Variants in MMP14 observed in about 807,000 individuals in gnomAD.
MMP14 encodes the protein matrix metalloproteinase-14.
Under a neutral mutation model 64.8 loss-of-function variants are expected in MMP14, and 13 were observed. That is an observed-to-expected ratio of 0.20 (90% CI 0.13 to 0.32). MMP14 has a LOEUF of 0.32. Ranked by LOEUF, MMP14 falls within the 10% of genes least tolerant of loss-of-function variation. The pLI is 1.00. For missense variants in MMP14, 594 were observed against 783.8 expected (o/e 0.76, Z 2.89); for synonymous variants, 322 against 315.9 (o/e 1.02, Z -0.20).
intron 1 of MMP14, among the ~76,000 whole-genome samples, chr14:22,837,640 G>A (rs902549996): frequency 1.3e-5 from 2 of 152,256 alleles, no homozygotes; most frequent in African/African-American, 4.8e-5. Flanking sequence ...ACCCGCGTCG[G>A]CGCCTTCAGG....
chr14:22,839,547 G>A (rs1210140250), intron 1 of MMP14, among the ~76,000 whole-genome samples: 1 of 152,200 alleles, frequency 6.6e-6, no homozygotes, highest in East Asian at 1.9e-4. Context: ...CTGTTGGCTG[G>A]GAAAAGGCTG....
At position 22,843,657 on chromosome 14, in the gene MMP14, T is replaced by G; in HGVS notation, c.851-53T>G. 1.9e-6 allele frequency: 3 copies of G among 1,550,466 alleles called. No homozygotes were observed. The highest frequency in any genetic ancestry group is 2.6e-6 in the Non-Finnish European group (3 of 1,148,190). ...TATTGTCTGCCCATCTGTCTGTCCT[T>G]CCGTCCCCGCCTCCTCCTAAGTCTG... is the stretch of plus-strand genomic sequence containing the variant. On this transcript the variant is annotated intron_variant, in intron 5 of 9. Coordinates refer to ENST00000311852, the MANE Select transcript of MMP14 (RefSeq NM_004995.4). The surrounding 1 kb of genome is among the most constrained non-coding windows in gnomAD (Gnocchi z 4.8).
In MMP14 at chr14:22,844,796, C is replaced by T; in HGVS notation, c.1301+16C>T. The T allele has an allele frequency of 1.9e-6, 3 of 1,613,896 alleles. No individual in the cohort carries two copies. Among genetic ancestry groups the T allele is most frequent in the East Asian group, 2.2e-5 (1 of 44,878 alleles). Reference sequence around the variant, plus strand: ...GTGGAAACAAGTAAGACCTCAACCCCTTAACCCCAGGCCTCCCTCAGAAAC... The same window carrying T: ...GTGGAAACAAGTAAGACCTCAACCCTTTAACCCCAGGCCTCCCTCAGAAAC... On this transcript the variant is annotated intron_variant, in intron 8 of 9. Coordinates refer to ENST00000311852, the MANE Select transcript of MMP14 (RefSeq NM_004995.4).
chr14:22,845,836 G>C lies in MMP14; in HGVS notation c.1546G>C (p.Glu516Gln), dbSNP rs2039808826. 1.2e-6 allele frequency: 2 copies of C among 1,614,082 alleles called. No individual in the cohort carries two copies. The highest frequency in any genetic ancestry group is 1.3e-5 in the African/African-American group (1 of 74,942). The change falls in exon 10 of 10, where the codon GAG becomes CAG. Residue 516 changes from glutamate (E) to glutamine (Q), a missense_variant. Physicochemically the swap from Glu to Gln is conservative, Grantham distance 29. Around this residue, in one of 4 missense-constraint regions of MMP14, gnomAD observed 364 missense variants for 425.2 expected, o/e 0.86. Coordinates refer to ENST00000311852, the MANE Select transcript of MMP14 (RefSeq NM_004995.4). ...MGCPSGGRPD[E>Q]GTEEETEVII... ...CTGCCCATCGGGAGGCCGGCCGGAT[G>C]AGGGGACTGAGGAGGAGACGGAGGT... is the stretch of plus-strand genomic sequence containing the variant.
At chr14:22,839,032 A>T (rs2039754590) in intron 1 of MMP14, among the ~76,000 whole-genome samples, 1 of 152,190 alleles carries the variant, frequency 6.6e-6, no homozygotes, top group African/African-American at 2.4e-5. Flanking sequence ...GATTTCCCCC[A>T]GAGCTCCTGG....
Position 22,844,640 on chromosome 14 carries a change from T to C in MMP14, c.1161T>C (p.His387=), listed in dbSNP as rs1420232418. Reference sequence around the variant, plus strand: ...TCCTGTCCTCCCCAGGAGACAAGCATTGGGTGTTTGATGAGGCGTCCCTGG... The same window carrying C: ...TCCTGTCCTCCCCAGGAGACAAGCACTGGGTGTTTGATGAGGCGTCCCTGG... ...GKFVFFKGDK[H]WVFDEASLEP... Residue 387 remains histidine, a synonymous_variant, in exon 8 of 10, where the codon CAT becomes CAC. Transcript: ENST00000311852. 1 of 1,613,972 alleles carries C rather than the reference T, an allele frequency of 6.2e-7. No individual in the cohort carries two copies. The highest frequency in any genetic ancestry group is 8.5e-7 in the Non-Finnish European group (1 of 1,180,004).
chr14:22,844,625 C>T lies in MMP14; in HGVS notation c.1151-5C>T. ...ACCCAGACGTTGCCCTCCTGTCCTCCCCAGGAGACAAGCATTGGGTGTTTG... is the reference window on the plus strand; with the variant it reads ...ACCCAGACGTTGCCCTCCTGTCCTCTCCAGGAGACAAGCATTGGGTGTTTG... On this transcript the variant is annotated splice_region_variant and splice_polypyrimidine_tract_variant and intron_variant, in intron 7 of 9. Transcript: ENST00000311852. The T allele has an allele frequency of 1.2e-6, 2 of 1,614,080 alleles. No homozygotes were observed. The highest frequency in any genetic ancestry group is 1.7e-6 in the Non-Finnish European group (2 of 1,180,008).
chr14:22,837,452 T>C (rs1313283243), intron 1 of MMP14: 2 of 453,698 alleles, frequency 4.4e-6, no homozygotes, highest in Non-Finnish European at 8.9e-6. Flanking sequence ...GGGTCGAGGG[T>C]GGACGGCCGA....
chr14:22,843,301 C>T lies in MMP14; in HGVS notation c.733C>T (p.Leu245=), dbSNP rs1355370825. The T allele has an allele frequency of 6.2e-7, 1 of 1,613,982 alleles. No individual in the cohort carries two copies. Among genetic ancestry groups the T allele is most frequent in the Non-Finnish European group, 8.5e-7 (1 of 1,180,032 alleles). ...GGCTGTGCACGAGCTGGGCCATGCCCTGGGGCTCGAGCATTCCAGTGACCC... is the reference window on the plus strand; with the variant it reads ...GGCTGTGCACGAGCTGGGCCATGCCTTGGGGCTCGAGCATTCCAGTGACCC... ...LVAVHELGHA[L]GLEHSSDPSA... Residue 245 remains leucine (L), a synonymous_variant, in exon 5 of 10, where the codon CTG becomes TTG. Transcript: ENST00000311852. The surrounding 1 kb of genome is among the most constrained non-coding windows in gnomAD (Gnocchi z 4.8).
rs202185020 is a variant in MMP14, at chr14:22,845,831, C to T, written c.1541C>T (p.Pro514Leu). 2.5e-5 allele frequency: 41 copies of T among 1,614,038 alleles called. No homozygotes were observed. Among genetic ancestry groups the T allele is most frequent in the East Asian group, 4.5e-5 (2 of 44,886 alleles). Residue 514 changes from proline to leucine, a missense_variant, in exon 10 of 10, where the codon CCG (proline) becomes CTG (leucine). Coordinates refer to ENST00000311852, the MANE Select transcript of MMP14 (RefSeq NM_004995.4). Reference protein sequence around the residue: ...DWMGCPSGGRPDEGTEEETEV... With the variant: ...DWMGCPSGGRLDEGTEEETEV... Reference sequence around the variant, plus strand: ...ATGGGCTGCCCATCGGGAGGCCGGCCGGATGAGGGGACTGAGGAGGAGACG... The same window carrying T: ...ATGGGCTGCCCATCGGGAGGCCGGCTGGATGAGGGGACTGAGGAGGAGACG...
intron 6 of MMP14, 131 bp downstream of exon 6, chr14:22,844,001 G>A: frequency 8.4e-7 from 1 of 1,197,276 alleles, no homozygotes; most frequent in South Asian, 1.4e-5. Flanking sequence ...TTCGAGAGCA[G>A]GCTGGCCAAC....
At chr14:22,841,379 C>T in intron 1 of MMP14, 112 bp from the exon 2 acceptor site, 1 of 1,383,164 alleles carries the variant, frequency 7.2e-7, no homozygotes. Context: ...AAGCTGGGAA[C>T]CCACTGCCCT....
rs536336726 is a variant in MMP14, at chr14:22,846,267, C to T, written c.*228C>T. ...GTCCCCTGAGGGCTGAGTGGGAGGG[C>T]GGCCCTTTCCAGCCTCTGCCCCTCA... On this transcript the variant is annotated 3_prime_UTR_variant, in exon 10 of 10. Coordinates refer to ENST00000311852, the MANE Select transcript of MMP14 (RefSeq NM_004995.4). 1.1e-3 allele frequency: 601 copies of T among 523,724 alleles called. 5 individuals carry two copies. The highest frequency in any genetic ancestry group is 4.4e-3 in the East Asian group (140 of 32,104). 32.4% of individuals were successfully genotyped at this position (523,724 alleles called of 1,614,324 possible).
Position 22,842,671 on chromosome 14 carries a change from C to T in MMP14, c.642C>T (p.His214=), listed in dbSNP as rs759039982. The change falls in exon 4 of 10, where the codon CAC becomes CAT. Residue 214 remains histidine (H), a synonymous_variant. Coordinates refer to ENST00000311852, the MANE Select transcript of MMP14 (RefSeq NM_004995.4). The surrounding 1 kb of genome is among the most constrained non-coding windows in gnomAD (Gnocchi z 5.3). ...GCCCCAACATTGGAGGAGACACCCACTTTGACTCTGCCGAGCCTTGGACTG... is the reference window on the plus strand; with the variant it reads ...GCCCCAACATTGGAGGAGACACCCATTTTGACTCTGCCGAGCCTTGGACTG... The part of the protein sequence containing the change: ...FPGPNIGGDT[H]FDSAEPWTVR... 4.3e-6 allele frequency: 7 copies of T among 1,613,200 alleles called. No homozygotes were observed. The East Asian group carries it at 1.1e-4, about 26-fold the overall frequency.
intron 1 of MMP14, among the ~76,000 whole-genome samples, chr14:22,839,952 G>A (rs926810724): frequency 6.8e-6 from 1 of 147,456 alleles, no homozygotes; most frequent in Non-Finnish European, 1.5e-5. Context: ...ATATAACTTG[G>A]CTTGTTTTAC....
In MMP14 at chr14:22,843,503, A is replaced by G; in HGVS notation, c.850+85A>G. On this transcript the variant is annotated intron_variant, in intron 5 of 9. Transcript: ENST00000311852. This position sits in a 1 kb window ranked among gnomAD's most constrained non-coding sequence, Gnocchi z 4.8. Reference sequence around the variant, plus strand: ...GCATTTCCCCTCTTTTATGCCTTGCAGTCTCCGCACCGCCCCCTGCCAACC... The same window carrying G: ...GCATTTCCCCTCTTTTATGCCTTGCGGTCTCCGCACCGCCCCCTGCCAACC... 1.3e-6 allele frequency: 2 copies of G among 1,517,960 alleles called. No homozygotes were observed. The highest frequency in any genetic ancestry group is 2.3e-5 in the East Asian group (1 of 44,080). The allele number at this position is 1,517,960 out of a possible 1,614,324, so 94.0% of individuals were successfully genotyped here.
intron 8 of MMP14, 103 bp from the exon 9 acceptor site, chr14:22,845,146 CCT>C (rs1030429091): frequency 3.7e-4 from 298 of 814,688 alleles, no homozygotes; most frequent in Non-Finnish European, 5.7e-4. Flanking sequence ...CTGTCCCCAC[CCT>C]GTCCACAGCT....
At chr14:22,844,200 A>G (rs1405858146) in intron 6 of MMP14, among the ~76,000 whole-genome samples, 171 bp from the exon 7 acceptor site, 1 of 151,398 alleles carries the variant, frequency 6.6e-6, no homozygotes, top group African/African-American at 2.4e-5. Context: ...CCATCTCAAA[A>G]AAAAAAAAGG....
chr14:22,845,200 C>T, intron 8 of MMP14, 51 bp from the exon 9 acceptor site: 1 of 1,407,214 alleles, frequency 7.1e-7, no homozygotes, highest in Non-Finnish European at 1.0e-6. Flanking sequence ...TCTTGCGCCT[C>T]CTGAGGACAT....
Sources: gnomAD v4.1 joint callset for allele counts (sites outside exome capture counted in the v4.1 genomes callset) on GRCh38, gnomAD v4.1.1 for gene constraint, gnomAD v4.1.1 regional missense constraint, Gnocchi (gnomAD v3.1) non-coding constraint, MANE v1.5 for transcripts, NCBI Gene and HGNC (gene_info 2026-07-23, HGNC 2026-07-21) for gene names.